ITCH: variants seen among roughly 807,000 people sequenced by gnomAD.
The protein encoded by ITCH is E3 ubiquitin-protein ligase Itchy homolog.
In ITCH, 28 loss-of-function variants were observed where a neutral mutation model predicts 126.8. The ratio of observed to expected loss-of-function variants is 0.22; its 90% CI spans 0.16 to 0.30. ITCH has a LOEUF of 0.30. Among genes scored for constraint, ITCH ranks in the 10% least tolerant of loss-of-function variants. The pLI is 1.00. For synonymous variants in ITCH, 342 were observed against 340.0 expected, an observed-to-expected ratio of 1.01 and a Z score of -0.06; for missense variants, 631 against 1,032.4, an observed-to-expected ratio of 0.61 and a Z score of 5.33.
chr20:34,483,843 T>C (rs924319094), intron 20 of ITCH, among the ~76,000 whole-genome samples: 2 of 152,112 alleles, frequency 1.3e-5, no homozygotes, highest in Non-Finnish European at 1.5e-5. Flanking sequence ...AGTGGACAAT[T>C]TACAAAAGAA....
chr20:34,452,932 A>G (rs545726144), intron 12 of ITCH, among the ~76,000 whole-genome samples: 67 of 152,364 alleles, frequency 4.4e-4, no homozygotes, highest in African/African-American at 1.5e-3. Context: ...AGGGCTTTGT[A>G]TAGGTGCTTC....
intron 11 of ITCH, 118 bp from the exon 12 acceptor site, chr20:34,449,293 T>G: frequency 1.5e-6 from 1 of 659,586 alleles, no homozygotes; most frequent in East Asian, 2.7e-5. Context: ...GACACTTCTT[T>G]AAGATACAAA....
intron 7 of ITCH, among the ~76,000 whole-genome samples, chr20:34,433,514 C>CA (rs1231284085): frequency 6.6e-6 from 1 of 152,082 alleles, no homozygotes; most frequent in East Asian, 1.9e-4. Context: ...CCTGTGTCTA[C>CA]AAAAAATACA....
chr20:34,372,589 C>T (rs965220069), intron 2 of ITCH, among the ~76,000 whole-genome samples: 6 of 151,734 alleles, frequency 4.0e-5, no homozygotes, highest in Admixed American at 2.6e-4. Context: ...ACCGTGCTAG[C>T]CAGGATGGTC....
At position 34,489,938 on chromosome 20, in the gene ITCH, A is replaced by G. The variant is rs1183436346; in HGVS notation, c.2319+12A>G. On this transcript the variant is annotated intron_variant, in intron 22 of 24. Coordinates refer to ENST00000374864, the MANE Select transcript of ITCH (RefSeq NM_031483.7). ...TGTGGTTTTGGCAGGTTTGTTTTTAAATTTATTTCTATTAGTTGACACAGC... is the reference window on the plus strand; with the variant it reads ...TGTGGTTTTGGCAGGTTTGTTTTTAGATTTATTTCTATTAGTTGACACAGC... The G allele has an allele frequency of 6.3e-7, 1 of 1,597,066 alleles. No individual in the cohort carries two copies. The highest frequency in any genetic ancestry group is 1.7e-5 in the Admixed American group (1 of 59,992).
At chr20:34,368,325 T>G (rs1260611139) in intron 1 of ITCH, among the ~76,000 whole-genome samples, 2 of 152,120 alleles carry the variant, frequency 1.3e-5, no homozygotes, top group Non-Finnish European at 2.9e-5. Flanking sequence ...GTCATCTGTT[T>G]TGTTGTTTTG....
intron 23 of ITCH, among the ~76,000 whole-genome samples, chr20:34,495,215 A>C (rs375287055): frequency 8.7e-4 from 131 of 150,548 alleles, no homozygotes; most frequent in African/African-American, 3.0e-3. Flanking sequence ...CAGTGAGTCG[A>C]GATTATGCCA....
Position 34,462,155 on chromosome 20 carries a change from C to T in ITCH, c.1358C>T (p.Pro453Leu). Residue 453 changes from proline (P) to leucine (L), a missense_variant, in exon 14 of 25, where the codon CCA (proline) becomes CTA (leucine). By Grantham distance (98) the Pro-to-Leu change is moderately conservative. Coordinates refer to ENST00000374864, the MANE Select transcript of ITCH (RefSeq NM_031483.7). The part of the protein sequence containing the change: ...WEMRFTVDGI[P>L]YFVDHNRRTT... ...ATGAGATTCACAGTGGATGGAATTC[C>T]ATATTTTGTGGACCACAATAGAAGA... is the stretch of plus-strand genomic sequence containing the variant. 1.9e-6 allele frequency: 3 copies of T among 1,613,634 alleles called. No homozygotes were observed. The highest frequency in any genetic ancestry group is 2.5e-6 in the Non-Finnish European group (3 of 1,179,634).
At chr20:34,495,326 C>T (rs1989806255) in intron 23 of ITCH, among the ~76,000 whole-genome samples, 1 of 148,402 alleles carries the variant, frequency 6.7e-6, no homozygotes, top group Non-Finnish European at 1.5e-5. Context: ...TACACACGCA[C>T]ACACACACAC....
intron 1 of ITCH, among the ~76,000 whole-genome samples, chr20:34,368,144 C>T (rs1843484859): frequency 6.6e-6 from 1 of 152,028 alleles, no homozygotes; most frequent in Admixed American, 6.6e-5. Flanking sequence ...GTGGCATGCA[C>T]CTGTAGTACC....
chr20:34,379,292 A>T (rs748321832), intron 2 of ITCH, among the ~76,000 whole-genome samples: 1 of 152,208 alleles, frequency 6.6e-6, no homozygotes, highest in Non-Finnish European at 1.5e-5. Context: ...AAAGAAAATT[A>T]GGAAAATATC....
At chr20:34,444,623 C>T (rs1477338216) in intron 10 of ITCH, among the ~76,000 whole-genome samples, 4 of 151,916 alleles carry the variant, frequency 2.6e-5, no homozygotes, top group African/African-American at 2.4e-5. Flanking sequence ...TGTGTTCTTG[C>T]GAAAAATTGT....
intron 12 of ITCH, among the ~76,000 whole-genome samples, chr20:34,455,634 T>G (rs1260335421): frequency 1.3e-5 from 2 of 151,766 alleles, no homozygotes; most frequent in Non-Finnish European, 2.9e-5. Context: ...GGCTAATTTT[T>G]TTTTTTTTTC....
intron 12 of ITCH, among the ~76,000 whole-genome samples, chr20:34,456,658 A>ATGTG (rs1335376931): frequency 5.6e-5 from 8 of 143,226 alleles, no homozygotes; most frequent in East Asian, 2.1e-4. Flanking sequence ...ATATATATAT[A>ATGTG]TGTGTGTGTG....
intron 23 of ITCH, among the ~76,000 whole-genome samples, chr20:34,501,588 C>A (rs559237801): frequency 2.0e-5 from 3 of 152,146 alleles, no homozygotes; most frequent in Admixed American, 6.5e-5. Flanking sequence ...CCAGCCTGAC[C>A]AACATGGAGA....
intron 2 of ITCH, among the ~76,000 whole-genome samples, chr20:34,381,551 C>T (rs1169437673): frequency 1.3e-5 from 2 of 151,910 alleles, no homozygotes; most frequent in African/African-American, 2.4e-5. Context: ...CTCAGACTCC[C>T]GGGTAGCTGG....
At chr20:34,402,013 A>C in intron 3 of ITCH, 1 of 583,158 alleles carries the variant, frequency 1.7e-6, no homozygotes, top group Non-Finnish European at 3.1e-6. Flanking sequence ...TCACATGAGT[A>C]CATGTGGGTA....
intron 7 of ITCH, among the ~76,000 whole-genome samples, chr20:34,429,287 ATTC>A (rs1981967903): frequency 6.6e-6 from 1 of 152,150 alleles, no homozygotes; most frequent in Non-Finnish European, 1.5e-5. Flanking sequence ...TCCACTGACA[ATTC>A]TGTATACTGT....
chr20:34,373,816 T>A (rs1184656776), intron 2 of ITCH, among the ~76,000 whole-genome samples: 1 of 152,212 alleles, frequency 6.6e-6, no homozygotes, highest in Admixed American at 6.5e-5. Flanking sequence ...CTTGCTTGCT[T>A]TCTGAGAAAA....
Sources: gnomAD v4.1 joint callset for allele counts (sites outside exome capture counted in the v4.1 genomes callset) on GRCh38, gnomAD v4.1.1 for gene constraint, MANE v1.5 for transcripts, NCBI Gene and HGNC (gene_info 2026-07-23, HGNC 2026-07-21) for gene names.